MNAT1: variants seen among roughly 807,000 people sequenced by gnomAD.
MNAT1 encodes CDK-activating kinase assembly factor MAT1.
A neutral mutation model predicts 42.0 loss-of-function variants in MNAT1; 43 were observed. That is an observed-to-expected ratio of 1.02 (90% confidence interval 0.80 to 1.32). The LOEUF is 1.32. Among genes scored for constraint, MNAT1 ranks in the 40% most tolerant of loss-of-function variants. The pLI, the probability that MNAT1 is intolerant of heterozygous loss-of-function variation, is 0.00. For synonymous variants in MNAT1, 118 were observed against 120.0 expected (o/e 0.98, Z 0.11); for missense variants, 306 against 350.4 (o/e 0.87, Z 1.01).
intron 1 of MNAT1, among the ~76,000 whole-genome samples, chr14:60,746,913 TATATATATATACACAC>T (rs1240869724): frequency 3.4e-4 from 9 of 26,300 alleles, no homozygotes; most frequent in East Asian, 3.0e-3. Flanking sequence ...TATATATATA[TATATATATATACACAC>T]ACACACACAC....
At chr14:60,955,754 G>T (rs1057277335) in intron 7 of MNAT1, among the ~76,000 whole-genome samples, 1 of 152,102 alleles carries the variant, frequency 6.6e-6, no homozygotes, top group Non-Finnish European at 1.5e-5. Context: ...TTGGTAGGTT[G>T]TCTGTGTCTA....
chr14:60,775,101 A>G (rs554518415), intron 1 of MNAT1, among the ~76,000 whole-genome samples: 1 of 152,266 alleles, frequency 6.6e-6, no homozygotes, highest in East Asian at 1.9e-4. Flanking sequence ...TTCAACTTTT[A>G]GGTGGTTTAC....
chr14:60,930,033 G>C (rs1350471459), intron 7 of MNAT1, among the ~76,000 whole-genome samples: 1 of 151,664 alleles, frequency 6.6e-6, no homozygotes, highest in Non-Finnish European at 1.5e-5. Flanking sequence ...AACATGCTTT[G>C]GTAAAGTAAA....
chr14:60,963,633 A>C (rs1337329302), intron 7 of MNAT1, among the ~76,000 whole-genome samples: 2 of 152,104 alleles, frequency 1.3e-5, no homozygotes, highest in Non-Finnish European at 2.9e-5. Context: ...TGGCAGTTAG[A>C]TTTGAATTTT....
chr14:60,883,828 A>G (rs1594831138), intron 7 of MNAT1, among the ~76,000 whole-genome samples: 1 of 151,900 alleles, frequency 6.6e-6, no homozygotes, highest in Non-Finnish European at 1.5e-5. Flanking sequence ...TATTCTAGCT[A>G]TTGTAAATGG....
In MNAT1 at chr14:60,795,939, C is replaced by CTTGATAGGGAG. The variant is rs2032003687; in HGVS notation, c.90-278_90-277insTTGATAGGGAG. Among the ~76,000 whole-genome samples the CTTGATAGGGAG allele has an allele frequency of 5.3e-5, 8 of 152,110 alleles. 1 individual carries two copies. On this transcript the variant is annotated intron_variant, in intron 1 of 7. Transcript: ENST00000261245. ...CCTTTTACATGCTCTTTGACTTCTC[C>CTTGATAGGGAG]CTATCCTGCTCTTCTTCCTAGTCTC...
intron 1 of MNAT1, among the ~76,000 whole-genome samples, chr14:60,760,329 A>AT (rs908804378): frequency 1.3e-5 from 2 of 151,432 alleles, no homozygotes; most frequent in Admixed American, 6.6e-5. Context: ...GCTCTTTCTA[A>AT]TTTTTTTTTA....
chr14:60,829,147 A>C (rs1042127566), intron 6 of MNAT1, among the ~76,000 whole-genome samples: 1 of 152,134 alleles, frequency 6.6e-6, no homozygotes, highest in African/African-American at 2.4e-5. Context: ...CACTAATTAC[A>C]AAGTTGGTTC....
intron 7 of MNAT1, among the ~76,000 whole-genome samples, chr14:60,884,842 A>C (rs920899111): frequency 6.6e-6 from 1 of 151,788 alleles, no homozygotes; most frequent in Admixed American, 6.6e-5. Flanking sequence ...TTTTCTTTCT[A>C]ATTGAAGAAC....
intron 6 of MNAT1, among the ~76,000 whole-genome samples, chr14:60,860,373 G>C (rs1222433801): frequency 1.1e-5 from 1 of 89,310 alleles, no homozygotes; most frequent in East Asian, 3.3e-4. Context: ...TTTTTTTTGA[G>C]ACAGAGTCTT....
intron 7 of MNAT1, among the ~76,000 whole-genome samples, chr14:60,891,324 A>G (rs1042894894): frequency 1.3e-5 from 2 of 150,358 alleles, no homozygotes; most frequent in Admixed American, 6.6e-5. Context: ...TCTATTCTCT[A>G]TTTTGTTTAT....
intron 7 of MNAT1, among the ~76,000 whole-genome samples, chr14:60,947,488 G>A (rs553860826): frequency 2.0e-5 from 3 of 152,188 alleles, no homozygotes; most frequent in Admixed American, 2.0e-4. Flanking sequence ...TTCGAGACAA[G>A]CCTGGCCAAC....
At position 60,890,546 on chromosome 14, in the gene MNAT1, G is replaced by A. The variant is rs192185906; in HGVS notation, c.809+10711G>A. Among the ~76,000 whole-genome samples, 298 of 152,286 alleles carry A rather than the reference G, an allele frequency of 2.0e-3. 1 individual carries two copies. The highest frequency in any genetic ancestry group is 6.4e-3 in the African/African-American group (264 of 41,574). On this transcript the variant is annotated intron_variant, in intron 7 of 7. Coordinates refer to ENST00000261245, the MANE Select transcript of MNAT1 (RefSeq NM_002431.4). ...CATCTGCAAGCTAAGGAGCAAGGGA[G>A]GAAGCCAGTCCGAGTCCCAAAATCT...
chr14:60,961,550 C>G (rs571225176), intron 7 of MNAT1, among the ~76,000 whole-genome samples: 1 of 152,212 alleles, frequency 6.6e-6, no homozygotes, highest in East Asian at 1.9e-4. Context: ...TTAGGGAAAC[C>G]TGTTCTGATC....
intron 1 of MNAT1, among the ~76,000 whole-genome samples, chr14:60,746,008 T>C (rs1370969978): frequency 6.6e-6 from 1 of 152,184 alleles, no homozygotes. Flanking sequence ...TTCAAACATA[T>C]GTAAGAGTTG....
chr14:60,844,551 C>T (rs756060162), intron 6 of MNAT1, among the ~76,000 whole-genome samples: 14 of 151,982 alleles, frequency 9.2e-5, no homozygotes, highest in Non-Finnish European at 1.9e-4. Flanking sequence ...ATTGGGCTTG[C>T]GTGCGATGAG....
At chr14:60,831,246 G>A (rs1473920116) in intron 6 of MNAT1, among the ~76,000 whole-genome samples, 1 of 151,874 alleles carries the variant, frequency 6.6e-6, no homozygotes, top group Non-Finnish European at 1.5e-5. Context: ...TGTTACATAG[G>A]TATACACGAG....
intron 4 of MNAT1, among the ~76,000 whole-genome samples, chr14:60,810,504 C>CT (rs1055530302): frequency 1.3e-5 from 2 of 152,000 alleles, no homozygotes; most frequent in Non-Finnish European, 2.9e-5. Context: ...CTTAGTACTG[C>CT]TTTTTTGTAT....
At chr14:60,787,706 G>T (rs2031693890) in intron 1 of MNAT1, among the ~76,000 whole-genome samples, 1 of 152,166 alleles carries the variant, frequency 6.6e-6, no homozygotes, top group African/African-American at 2.4e-5. Context: ...CATTTCAACA[G>T]TGTTCACAGC....
Sources: allele counts gnomAD v4.1 joint callset (sites outside exome capture counted in the v4.1 genomes callset), GRCh38; gene constraint gnomAD v4.1.1; transcripts MANE v1.5; gene names NCBI Gene and HGNC (gene_info 2026-07-23, HGNC 2026-07-21).